TLE4: variants seen among roughly 807,000 people sequenced by gnomAD.
The protein encoded by TLE4 is transducin-like enhancer protein 4.
In TLE4, 8 loss-of-function variants were observed where a neutral mutation model predicts 92.8. The ratio of observed to expected loss-of-function variants is 0.09; its 90% confidence interval spans 0.05 to 0.16. TLE4 has a LOEUF of 0.16. Ranked by LOEUF, TLE4 falls within the 10% of genes least tolerant of loss-of-function variation. The pLI is 1.00. For synonymous variants in TLE4, 371 were observed against 374.1 expected, an observed-to-expected ratio of 0.99 and a Z score of 0.10; for missense variants, 675 against 997.6, an observed-to-expected ratio of 0.68 and a Z score of 4.36.
rs1346731232 is a variant in TLE4 at position 79,691,036 on chromosome 9, A to G, written c.610-13747A>G. ...TTGATTCCATTCTAATTTTGTATTC[A>G]CATAGGAACACACATTTGTGTGAAG... On this transcript the variant is annotated intron_variant, in intron 8 of 19. Transcript: ENST00000376552. Among the ~76,000 whole-genome samples, 3 of 152,048 alleles carry G rather than the reference A, an allele frequency of 2.0e-5. No individual in the cohort carries two copies. In the East Asian group the frequency reaches 5.8e-4, roughly 29 times the overall value.
intron 8 of TLE4, among the ~76,000 whole-genome samples, chr9:79,662,635 A>G (rs1226775254): frequency 4.6e-5 from 7 of 152,186 alleles, no homozygotes; most frequent in Admixed American, 4.6e-4. Context: ...CTAGAAGCAG[A>G]TGTCTGATTT....
intron 6 of TLE4, among the ~76,000 whole-genome samples, chr9:79,652,008 A>G (rs1164058522): frequency 6.6e-6 from 1 of 152,178 alleles, no homozygotes; most frequent in Non-Finnish European, 1.5e-5. Context: ...TTGCATATCA[A>G]CTATTGAAAG....
In TLE4 at chr9:79,574,934, A is replaced by G. The variant is rs774378920; in HGVS notation, c.205A>G (p.Met69Val). 3.7e-6 allele frequency: 6 copies of G among 1,613,326 alleles called. No homozygotes were observed. The highest frequency in any genetic ancestry group is 5.1e-6 in the Non-Finnish European group (6 of 1,179,374). ...EKTEMQRHYV[M>V]YYEMSYGLNI... is the part of the protein sequence containing the mutation. Reference sequence around the variant, plus strand: ...GACAGAGATGCAGCGGCATTATGTCATGGTAAGAAAACCATGTCACAGATT... The same window carrying G: ...GACAGAGATGCAGCGGCATTATGTCGTGGTAAGAAAACCATGTCACAGATT... Residue 69 changes from methionine to valine, a missense_variant and splice_region_variant, in exon 3 of 20, where the codon ATG (methionine) becomes GTG (valine). Met to Val is a conservative substitution (Grantham distance 21). Around this residue, in one of 5 missense-constraint regions of TLE4, gnomAD observed 68 missense variants for 141.2 expected, o/e 0.48. Coordinates refer to ENST00000376552, the MANE Select transcript of TLE4 (RefSeq NM_007005.6).
At chr9:79,606,194 T>TG (rs2046864913) in intron 4 of TLE4, among the ~76,000 whole-genome samples, 1 of 70,718 alleles carries the variant, frequency 1.4e-5, no homozygotes, top group Non-Finnish European at 2.7e-5. Context: ...GTTGTTTTTT[T>TG]TTTTTTTTTT....
rs529331509 is a variant in TLE4, at chr9:79,595,598, A to G, written c.253-17058A>G. The stretch of plus-strand genomic sequence containing the variant: ...ACCAAAGTAGAAGTTCATAAAATGT[A>G]GCCTAAAAAATAAAAAAGTAAATTT... On this transcript the variant is annotated intron_variant, in intron 4 of 19. Coordinates refer to ENST00000376552, the MANE Select transcript of TLE4 (RefSeq NM_007005.6). Among the ~76,000 whole-genome samples, 5 of 152,310 alleles carry G rather than the reference A, an allele frequency of 3.3e-5. No homozygotes were observed. In the South Asian group the frequency reaches 1.0e-3, roughly 32 times the overall value.
intron 1 of TLE4, chr9:79,573,341 G>A (rs769290247): frequency 3.7e-6 from 4 of 1,091,820 alleles, no homozygotes; most frequent in East Asian, 1.4e-4. Context: ...CATGGCGCGG[G>A]TCCCCCCGAC....
chr9:79,683,182 A>C (rs1175918664), intron 8 of TLE4, among the ~76,000 whole-genome samples: 4 of 152,126 alleles, frequency 2.6e-5, no homozygotes, highest in Non-Finnish European at 5.9e-5. Flanking sequence ...CATCAGTTTA[A>C]CTCCCAGCCT....
intron 6 of TLE4, among the ~76,000 whole-genome samples, chr9:79,638,633 C>T (rs2056492713): frequency 6.6e-6 from 1 of 151,968 alleles, no homozygotes. Flanking sequence ...GGCAGTGCCA[C>T]TATGGTCCCG....
In TLE4 at chr9:79,595,597, T is replaced by C. The variant is rs561917524; in HGVS notation, c.253-17059T>C. Among the ~76,000 whole-genome samples the C allele has an allele frequency of 3.3e-5, 5 of 152,284 alleles. No individual in the cohort carries two copies. In the South Asian group the frequency reaches 1.0e-3, roughly 32 times the overall value. ...GACCAAAGTAGAAGTTCATAAAATG[T>C]AGCCTAAAAAATAAAAAAGTAAATT... On this transcript the variant is annotated intron_variant, in intron 4 of 19. Coordinates refer to ENST00000376552, the MANE Select transcript of TLE4 (RefSeq NM_007005.6).
chr9:79,618,280 A>G (rs939504029), intron 5 of TLE4, among the ~76,000 whole-genome samples: 1 of 152,244 alleles, frequency 6.6e-6, no homozygotes, highest in African/African-American at 2.4e-5. Flanking sequence ...AGCTTTGACT[A>G]TGTAATTAGC....
chr9:79,650,096 A>G (rs1360388006), intron 6 of TLE4, among the ~76,000 whole-genome samples: 1 of 151,790 alleles, frequency 6.6e-6, no homozygotes, highest in Non-Finnish European at 1.5e-5. Flanking sequence ...TTGTGTTTTT[A>G]GTAGACACAG....
At chr9:79,698,588 A>G (rs978812169) in intron 8 of TLE4, among the ~76,000 whole-genome samples, 1 of 152,106 alleles carries the variant, frequency 6.6e-6, no homozygotes, top group Non-Finnish European at 1.5e-5. Flanking sequence ...AGAGTTTTAT[A>G]CAGATTGTGC....
intron 3 of TLE4, 63 bp downstream of exon 3, chr9:79,574,999 T>C (rs2791566): frequency 1 from 1,410,255 of 1,410,360 alleles, 705,075 homozygotes; most frequent in Middle Eastern, 1. Context: ...AACAAGAATA[T>C]GTTTAAATTG....
At chr9:79,661,074 A>G (rs2060467969) in intron 8 of TLE4, among the ~76,000 whole-genome samples, 1 of 152,228 alleles carries the variant, frequency 6.6e-6, no homozygotes, top group Non-Finnish European at 1.5e-5. Context: ...TCTCTTGCAA[A>G]AATATTATAA....
At chr9:79,679,307 C>T (rs1367673066) in intron 8 of TLE4, among the ~76,000 whole-genome samples, 2 of 152,126 alleles carry the variant, frequency 1.3e-5, no homozygotes, top group Non-Finnish European at 2.9e-5. Flanking sequence ...TTAATGATCG[C>T]CATTCTAACT....
rs1258220292 is a variant in TLE4 at position 79,720,247 on chromosome 9, G to A, written c.1792G>A (p.Asp598Asn). Residue 598 changes from aspartate to asparagine, a missense_variant, in exon 16 of 20, where the codon GAC becomes AAC. Asp to Asn is a conservative substitution (Grantham distance 23, BLOSUM62 1). This residue lies in a region of TLE4 where 170 missense variants were observed against 359.6 expected (regional missense o/e 0.47). Transcript: ENST00000376552. ...DSKVCFSCCS[D>N]GNIAVWDLHN... ...CAAGGTCTGCTTCTCATGCTGCAGC[G>A]ACGGCAACATCGCTGTGTGGGATCT... The A allele has an allele frequency of 1.2e-6, 2 of 1,614,152 alleles. No individual in the cohort carries two copies. The highest frequency in any genetic ancestry group is 1.7e-6 in the Non-Finnish European group (2 of 1,180,036).
At chr9:79,577,466 C>T (rs1334748170) in intron 4 of TLE4, among the ~76,000 whole-genome samples, 2 of 152,210 alleles carry the variant, frequency 1.3e-5, no homozygotes, top group East Asian at 3.9e-4. Context: ...TTTGAATGGC[C>T]TGTTGAAATT....
chr9:79,724,724 G>A (rs530396139), intron 19 of TLE4, among the ~76,000 whole-genome samples: 36 of 151,802 alleles, frequency 2.4e-4, no homozygotes, highest in African/African-American at 8.0e-4. Context: ...CATCAGTGTC[G>A]TAGTCCCAGC....
In TLE4 at chr9:79,601,421, T is replaced by G. The variant is rs1314402840; in HGVS notation, c.253-11235T>G. 4 of 456,600 alleles carry G rather than the reference T, an allele frequency of 8.8e-6. No individual in the cohort carries two copies. In the Admixed American group the frequency reaches 9.4e-5, roughly 11 times the overall value. 28.3% of individuals were successfully genotyped at this position (456,600 alleles called of 1,614,324 possible). A position where few individuals can be genotyped will look rare whatever the true frequency, so the allele number is the denominator to read the frequency against. On this transcript the variant is annotated intron_variant, in intron 4 of 19. Coordinates refer to ENST00000376552, the MANE Select transcript of TLE4 (RefSeq NM_007005.6). ...GCTTTATTGTGCTTCACAGAGACTG[T>G]TTTTCACAAATTGAAGGCTGTAGCA...
Sources: gnomAD v4.1 joint callset for allele counts (sites outside exome capture counted in the v4.1 genomes callset) on GRCh38, gnomAD v4.1.1 for gene constraint, gnomAD v4.1.1 regional missense constraint, MANE v1.5 for transcripts, NCBI Gene and HGNC (gene_info 2026-07-23, HGNC 2026-07-21) for gene names.